The following ADRA1D variants were observed in gnomAD, a reference collection of about 807,000 sequenced individuals.
ADRA1D encodes adrenoceptor alpha 1D.
ADRA1D carries 22 observed loss-of-function variants against 18.6 expected under a neutral mutation model. That is an observed-to-expected ratio of 1.19 (90% CI 0.85 to 1.69). The LOEUF is 1.69. Ranked by LOEUF, ADRA1D falls within the 40% of genes most tolerant of loss-of-function variation. The pLI is 0.00. For missense variants in ADRA1D, 840 were observed against 840.7 expected, an observed-to-expected ratio of 1.00 and a Z score of 0.01; for synonymous variants, 376 against 388.2, an observed-to-expected ratio of 0.97 and a Z score of 0.37.
chr20:4,241,380 TATG>T (rs1333419868), intron 1 of ADRA1D, among the ~76,000 whole-genome samples: 3 of 152,222 alleles, frequency 2.0e-5, no homozygotes, highest in Non-Finnish European at 2.9e-5. Flanking sequence ...TAGTTAATGA[TATG>T]ATATTTACAC....
In ADRA1D at chr20:4,247,949, GGCGCAC is replaced by G. The variant is rs1981376231; in HGVS notation, c.1003_1008del (p.Val335_Arg336del). ...TTCTTCTCACGGGAGAACTTGAGCA[GGCGCAC>G]GGAGAGCGAGCTGCGGAAGGTGTGG... On this transcript the variant is annotated inframe_deletion, in exon 1 of 2. Transcript: ENST00000379453. The G allele has an allele frequency of 6.3e-7, 1 of 1,598,606 alleles. No homozygotes were observed. Among genetic ancestry groups the G allele is most frequent in the African/African-American group, 1.3e-5 (1 of 74,418 alleles).
chr20:4,229,397 G>C (rs1352174466), intron 1 of ADRA1D, among the ~76,000 whole-genome samples: 1 of 134,666 alleles, frequency 7.4e-6, no homozygotes, highest in Non-Finnish European at 1.6e-5. Flanking sequence ...GGTATACTAA[G>C]GAGAAAAAAA....
At position 4,242,220 on chromosome 20, in the gene ADRA1D, A is replaced by G. The variant is rs547299041; in HGVS notation, c.1111+5627T>C. Among the ~76,000 whole-genome samples, 3 of 152,298 alleles carry G rather than the reference A, an allele frequency of 2.0e-5. No individual in the cohort carries two copies. In the East Asian group the frequency reaches 5.8e-4, roughly 29 times the overall value. On this transcript the variant is annotated intron_variant, in intron 1 of 1. Coordinates refer to ENST00000379453, the MANE Select transcript of ADRA1D (RefSeq NM_000678.4). ...ATTTTGCGCAGTATAACATCCATGA[A>G]ATTCATCCATGTGTGCATCAGTAGT...
In ADRA1D at chr20:4,248,072, G is replaced by C. The variant is rs61759848; in HGVS notation, c.886C>G (p.Arg296Gly). 15 of 1,550,442 alleles carry C rather than the reference G, an allele frequency of 9.7e-6. No individual in the cohort carries two copies. In the Admixed American group the frequency reaches 2.4e-4, roughly 24 times the overall value. The change falls in exon 1 of 2, where the codon CGA becomes GGA. Residue 296 changes from arginine (R) to glycine (G), a missense_variant. Physicochemically the swap from Arg to Gly is moderately radical, Grantham distance 125 (BLOSUM62 -2). Transcript: ENST00000379453. Reference protein sequence around the residue: ...RSLEAGVKRERGKASEVVLRI... With the variant: ...RSLEAGVKREGGKASEVVLRI... ...AGCACCACCTCGGAGGCCTTGCCTC[G>C]CTCGCGCTTGACGCCCGCCTCGAGG...
chr20:4,245,401 AAG>A (rs748508723), intron 1 of ADRA1D, among the ~76,000 whole-genome samples: 1 of 152,238 alleles, frequency 6.6e-6, no homozygotes, highest in Non-Finnish European at 1.5e-5. Context: ...ACATCTGTAT[AAG>A]AGTGATATAC....
In ADRA1D at chr20:4,247,970, G is replaced by C; in HGVS notation, c.988C>G (p.Arg330Gly). The change falls in exon 1 of 2, where the codon CGC becomes GGC. Residue 330 changes from arginine to glycine, a missense_variant. Physicochemically the swap from Arg to Gly is moderately radical, Grantham distance 125. Coordinates refer to ENST00000379453, the MANE Select transcript of ADRA1D (RefSeq NM_000678.4). The part of the protein sequence containing the change: ...GMRSAKGHTF[R>G]SSLSVRLLKF... Reference sequence around the variant, plus strand: ...AGCAGGCGCACGGAGAGCGAGCTGCGGAAGGTGTGGCCCTTGGCGCTGCGC... The same window carrying C: ...AGCAGGCGCACGGAGAGCGAGCTGCCGAAGGTGTGGCCCTTGGCGCTGCGC... The C allele has an allele frequency of 1.3e-6, 2 of 1,585,120 alleles. No individual in the cohort carries two copies. The highest frequency in any genetic ancestry group is 1.7e-6 in the Non-Finnish European group (2 of 1,166,496).
intron 1 of ADRA1D, among the ~76,000 whole-genome samples, chr20:4,225,809 G>A (rs1980785288): frequency 6.6e-6 from 1 of 151,908 alleles, no homozygotes; most frequent in African/African-American, 2.4e-5. Context: ...CTGGAGAGTG[G>A]CCAGAAACAG....
At position 4,239,822 on chromosome 20, in the gene ADRA1D, C is replaced by T. The variant is rs1331485977; in HGVS notation, c.1111+8025G>A. 1.3e-5 allele frequency among the ~76,000 whole-genome samples: 2 copies of T among 152,228 alleles called. No homozygotes were observed. Among genetic ancestry groups the T allele is most frequent in the African/African-American group, 2.4e-5 (1 of 41,464 alleles). On this transcript the variant is annotated intron_variant, in intron 1 of 1. Coordinates refer to ENST00000379453, the MANE Select transcript of ADRA1D (RefSeq NM_000678.4). The surrounding 1 kb of genome is among the most constrained non-coding windows in gnomAD (Gnocchi z 4.9). ...AATAAAGAGGAATATTGAACATCTT[C>T]CCTGCCTTTGCTGTACAGATTCTAT...
chr20:4,221,969 G>A lies in ADRA1D; in HGVS notation c.1273C>T (p.Arg425Trp), dbSNP rs971135580. 4 of 1,556,982 alleles carry A rather than the reference G, an allele frequency of 2.6e-6. No homozygotes were observed. The highest frequency in any genetic ancestry group is 1.4e-5 in the African/African-American group (1 of 73,072). Residue 425 changes from arginine (R) to tryptophan (W), a missense_variant, in exon 2 of 2, where the codon CGG becomes TGG. By Grantham distance (101) the Arg-to-Trp change is moderately radical. Transcript: ENST00000379453. ...RLLRCQCRRR[R>W]RRRPLWRVYG... ...ACACGCCAGAGAGGGCGGCGGCGCC[G>A]GCGACGACGGCACTGGCAGCGCAGG...
At chr20:4,225,524 C>T (rs1261830304) in intron 1 of ADRA1D, among the ~76,000 whole-genome samples, 1 of 148,262 alleles carries the variant, frequency 6.7e-6, no homozygotes, top group Non-Finnish European at 1.5e-5. Context: ...ACCTCCTGGG[C>T]TCAAGTGATC....
intron 1 of ADRA1D, among the ~76,000 whole-genome samples, chr20:4,231,064 T>C (rs11697514): frequency 6.9e-4 from 68 of 97,962 alleles, no homozygotes; most frequent in South Asian, 3.3e-3. Context: ...CTTTCTTTCT[T>C]TCTCTCTCTC....
rs191865483 is a variant in ADRA1D at position 4,240,578 on chromosome 20, G to T, written c.1111+7269C>A. Among the ~76,000 whole-genome samples, 30 of 152,228 alleles carry T rather than the reference G, an allele frequency of 2.0e-4. No homozygotes were observed. In the East Asian group the frequency reaches 5.2e-3, roughly 26 times the overall value. ...GGAGGCCGAGGTGGGTGGATCACCTGAGGTCAGGAGTTTGATATCAGCCTG... is the reference window on the plus strand; with the variant it reads ...GGAGGCCGAGGTGGGTGGATCACCTTAGGTCAGGAGTTTGATATCAGCCTG... On this transcript the variant is annotated intron_variant, in intron 1 of 1. Coordinates refer to ENST00000379453, the MANE Select transcript of ADRA1D (RefSeq NM_000678.4).
intron 1 of ADRA1D, among the ~76,000 whole-genome samples, chr20:4,240,681 C>T (rs760330084): frequency 2.6e-5 from 4 of 152,154 alleles, no homozygotes; most frequent in Non-Finnish European, 5.9e-5. Context: ...ATAATCCCAG[C>T]TTCTTGGGAG....
intron 1 of ADRA1D, among the ~76,000 whole-genome samples, chr20:4,245,060 G>A (rs1357974704): frequency 1.3e-5 from 2 of 152,258 alleles, no homozygotes; most frequent in Non-Finnish European, 2.9e-5. Context: ...CCAGCAAGGA[G>A]CAAAGGTCAT....
chr20:4,221,823 T>TTCGGGG lies in ADRA1D; in HGVS notation c.1413_1418dup (p.Asp471_Pro472dup), dbSNP rs767819180. 18 of 1,526,586 alleles carry TTCGGGG rather than the reference T, an allele frequency of 1.2e-5. 1 individual carries two copies. The highest frequency in any genetic ancestry group is 6.0e-5 in the South Asian group (5 of 82,652). The allele number at this position is 1,526,586 out of a possible 1,614,324, so 94.6% of individuals were successfully genotyped here. A position where few individuals can be genotyped will look rare whatever the true frequency, so the allele number is the denominator to read the frequency against. ...CCTGCATCTCGGGCGTGCCTGGGGG[T>TTCGGGG]TCGGGGTCGGGGTCGGGGAGCGCGG... On this transcript the variant is annotated inframe_insertion, in exon 2 of 2. Coordinates refer to ENST00000379453, the MANE Select transcript of ADRA1D (RefSeq NM_000678.4).
intron 1 of ADRA1D, among the ~76,000 whole-genome samples, chr20:4,244,251 T>C (rs1981281857): frequency 6.6e-6 from 1 of 152,202 alleles, no homozygotes; most frequent in South Asian, 2.1e-4. Context: ...CCAGGGCCTA[T>C]GTGGGCCCAT....
chr20:4,240,559 C>T (rs768728914), intron 1 of ADRA1D, among the ~76,000 whole-genome samples: 10 of 152,068 alleles, frequency 6.6e-5, no homozygotes, highest in Admixed American at 2.0e-4. Context: ...TTTGGGAGGC[C>T]GAGGTGGGTG....
intron 1 of ADRA1D, among the ~76,000 whole-genome samples, chr20:4,246,789 T>C (rs1278021409): frequency 1.3e-5 from 2 of 152,216 alleles, no homozygotes; most frequent in East Asian, 1.9e-4. Flanking sequence ...TGAGGGCTTT[T>C]AATAGGAGAG....
chr20:4,239,378 G>A lies in ADRA1D; in HGVS notation c.1111+8469C>T, dbSNP rs1981164009. On this transcript the variant is annotated intron_variant, in intron 1 of 1. Coordinates refer to ENST00000379453, the MANE Select transcript of ADRA1D (RefSeq NM_000678.4). This position sits in a 1 kb window ranked among gnomAD's most constrained non-coding sequence, Gnocchi z 4.9. Reference sequence around the variant, plus strand: ...AAGGAGGAATATATGTCCAAGGACAGAAGTCCCCATCAGTGTTGTGTTTTT... The same window carrying A: ...AAGGAGGAATATATGTCCAAGGACAAAAGTCCCCATCAGTGTTGTGTTTTT... Among the ~76,000 whole-genome samples the A allele has an allele frequency of 6.6e-6, 1 of 152,220 alleles. No homozygotes were observed. The highest frequency in any genetic ancestry group is 2.4e-5 in the African/African-American group (1 of 41,458).
Sources: gnomAD v4.1 joint callset for allele counts (sites outside exome capture counted in the v4.1 genomes callset) on GRCh38, gnomAD v4.1.1 for gene constraint, Gnocchi (gnomAD v3.1) non-coding constraint, MANE v1.5 for transcripts, NCBI Gene and HGNC (gene_info 2026-07-23, HGNC 2026-07-21) for gene names.